Variants in FKBP15 observed in about 807,000 individuals in gnomAD.
The protein encoded by FKBP15 is FK506-binding protein 15.
FKBP15 carries 106 observed loss-of-function variants against 158.1 expected under a neutral mutation model. The observed-to-expected ratio is 0.67, with a 90% confidence interval of 0.57 to 0.79. The LOEUF is 0.79. FKBP15 is among the 30% of genes least tolerant of loss of function. The pLI is 0.00. For synonymous variants in FKBP15, 547 were observed against 548.6 expected, an observed-to-expected ratio of 1.00 and a Z score of 0.04; for missense variants, 1,287 against 1,479.1, an observed-to-expected ratio of 0.87 and a Z score of 2.13.
At chr9:113,219,453 T>C (rs1438122908) in intron 1 of FKBP15, among the ~76,000 whole-genome samples, 1 of 152,242 alleles carries the variant, frequency 6.6e-6, no homozygotes, top group Non-Finnish European at 1.5e-5. Flanking sequence ...GGTGAAACTT[T>C]CTGTATTCTC....
At chr9:113,188,995 T>A (rs575261325) in intron 12 of FKBP15, among the ~76,000 whole-genome samples, 5 of 152,370 alleles carry the variant, frequency 3.3e-5, no homozygotes, top group African/African-American at 1.2e-4. Context: ...AATATAGTTT[T>A]AGGATGTTTT....
intron 2 of FKBP15, among the ~76,000 whole-genome samples, chr9:113,210,352 G>C (rs868551700): frequency 4.6e-5 from 1 of 21,560 alleles, no homozygotes; most frequent in African/African-American, 1.9e-4. Flanking sequence ...TTTTTTTTTT[G>C]AGACGGAGTC....
At chr9:113,173,084 T>TGG (rs1189391868) in intron 23 of FKBP15, among the ~76,000 whole-genome samples, 4 of 152,184 alleles carry the variant, frequency 2.6e-5, no homozygotes, top group Non-Finnish European at 2.9e-5. Flanking sequence ...ACTTAACACC[T>TGG]ATCTTTGTTT....
chr9:113,168,695 G>T, intron 26 of FKBP15, 139 bp from the exon 27 acceptor site: 1 of 718,170 alleles, frequency 1.4e-6, no homozygotes, highest in Non-Finnish European at 2.3e-6. Flanking sequence ...CACCTCCGCT[G>T]CCACCATCTC....
intron 1 of FKBP15, among the ~76,000 whole-genome samples, chr9:113,215,644 ATTTTTT>A (rs1285341545): frequency 0.085 from 5,198 of 61,372 alleles, 113 homozygotes; most frequent in South Asian, 0.1. Context: ...ATATATATAT[ATTTTTT>A]TTTTTTTTTT....
intron 6 of FKBP15, among the ~76,000 whole-genome samples, chr9:113,202,309 C>G (rs1158722057): frequency 6.6e-6 from 1 of 152,114 alleles, no homozygotes; most frequent in Non-Finnish European, 1.5e-5. Flanking sequence ...TAGTCTTTCT[C>G]TGTTAAAAAA....
intron 26 of FKBP15, among the ~76,000 whole-genome samples, 188 bp downstream of exon 26, chr9:113,169,036 G>A (rs985288923): frequency 4.6e-5 from 7 of 151,852 alleles, no homozygotes; most frequent in Non-Finnish European, 7.4e-5. Flanking sequence ...CACAGGGCCC[G>A]CCACACTACT....
rs1409141214 is a variant in FKBP15, at chr9:113,161,285, C to T, written c.*4793G>A. 2 of 545,270 alleles carry T rather than the reference C, an allele frequency of 3.7e-6. No individual in the cohort carries two copies. Among genetic ancestry groups the T allele is most frequent in the East Asian group, 6.3e-5 (2 of 31,692 alleles). The allele number at this position is 545,270 out of a possible 1,614,324, so 33.8% of individuals were successfully genotyped here. On this transcript the variant is annotated 3_prime_UTR_variant, in exon 28 of 28. Transcript: ENST00000238256. ...GGTAATGGTACGTGGCTTCTTCACC[C>T]TCAGCCCCTGGATTTTTCAGGTGGC...
In FKBP15 at chr9:113,169,782, C is replaced by T. The variant is rs1418325852; in HGVS notation, c.2927G>A (p.Arg976Lys). 1.3e-6 allele frequency: 2 copies of T among 1,597,866 alleles called. No individual in the cohort carries two copies. Among genetic ancestry groups the T allele is most frequent in the African/African-American group, 1.3e-5 (1 of 74,792 alleles). Reference sequence around the variant, plus strand: ...TGAGGGCACCATGGGGGACTCTGGCCTCTCCCTATTCAGGGGTGCTTGAGG... The same window carrying T: ...TGAGGGCACCATGGGGGACTCTGGCTTCTCCCTATTCAGGGGTGCTTGAGG... ...GQPQAPLNRE[R>K]PESPMVPSEQ... The change falls in exon 26 of 28, where the codon AGG becomes AAG. Residue 976 changes from arginine to lysine, a missense_variant. Coordinates refer to ENST00000238256, the MANE Select transcript of FKBP15 (RefSeq NM_015258.2).
chr9:113,170,158 C>T lies in FKBP15; in HGVS notation c.2767-216G>A, dbSNP rs186504560. ...TTTTCTTTGGAGACAGGGTCTTGCT[C>T]TGTTATCCAGGCTGGAGTGCAGTTG... On this transcript the variant is annotated intron_variant, in intron 25 of 27. Transcript: ENST00000238256. 2.0e-5 allele frequency among the ~76,000 whole-genome samples: 3 copies of T among 151,928 alleles called. No homozygotes were observed. The East Asian group carries it at 5.8e-4, about 29-fold the overall frequency.
rs1455106830 is a variant in FKBP15, at chr9:113,184,043, G to A, written c.1717-198C>T. Among the ~76,000 whole-genome samples the A allele has an allele frequency of 6.6e-6, 1 of 152,224 alleles. No individual in the cohort carries two copies. The highest frequency in any genetic ancestry group is 1.5e-5 in the Non-Finnish European group (1 of 68,040). Reference sequence around the variant, plus strand: ...CAAATCACTAGGTCCAATGGATTGAGTGAATAAATGGCTAAAAAAAGAAGT... The same window carrying A: ...CAAATCACTAGGTCCAATGGATTGAATGAATAAATGGCTAAAAAAAGAAGT... On this transcript the variant is annotated intron_variant, in intron 17 of 27. Transcript: ENST00000238256. This position sits in a 1 kb window ranked among gnomAD's most constrained non-coding sequence, Gnocchi z 4.5.
At position 113,207,311 on chromosome 9, in the gene FKBP15, GA is replaced by G; in HGVS notation, c.170-16del. 1 of 1,607,196 alleles carries G rather than the reference GA, an allele frequency of 6.2e-7. No homozygotes were observed. Among genetic ancestry groups the G allele is most frequent in the Non-Finnish European group, 8.5e-7 (1 of 1,175,174 alleles). On this transcript the variant is annotated splice_polypyrimidine_tract_variant and intron_variant, in intron 2 of 27. Transcript: ENST00000238256. Reference sequence around the variant, plus strand: ...TGCCTGATTTCCTGAAGATGAACAAGAAAACAAAGTTGTCATTCACTTCTTG... The same window carrying G: ...TGCCTGATTTCCTGAAGATGAACAAGAAACAAAGTTGTCATTCACTTCTTG...
At chr9:113,169,081 T>A (rs1587947804) in intron 26 of FKBP15, 143 bp downstream of exon 26, 6 of 1,161,266 alleles carry the variant, frequency 5.2e-6, no homozygotes, top group Middle Eastern at 2.9e-4. Context: ...ACATGGTAGG[T>A]GTTGTTGAAT....
intron 15 of FKBP15, among the ~76,000 whole-genome samples, chr9:113,185,633 A>G (rs1169876135): frequency 1.3e-5 from 2 of 152,222 alleles, no homozygotes; most frequent in African/African-American, 4.8e-5. Context: ...ATTTTTTTAC[A>G]TTAGATACTC....
Position 113,169,312 on chromosome 9 carries a change from C to T in FKBP15, c.3397G>A (p.Gly1133Ser), listed in dbSNP as rs759468795. ...GTGCTTGACAGCTCCTTGTGGGGAC[C>T]GGTGGAGCTAGTGACATCATCTTTC... is the stretch of plus-strand genomic sequence containing the variant. ...LKKDDVTSSTGPHKELSSTEA... is the reference protein window; with the variant it reads ...LKKDDVTSSTSPHKELSSTEA... The change falls in exon 26 of 28, where the codon GGT (glycine) becomes AGT (serine). Residue 1133 changes from glycine (G) to serine (S), a missense_variant. By Grantham distance (56) the Gly-to-Ser change is moderately conservative (BLOSUM62 0). Coordinates refer to ENST00000238256, the MANE Select transcript of FKBP15 (RefSeq NM_015258.2). 3.0e-5 allele frequency: 48 copies of T among 1,613,904 alleles called. No homozygotes were observed. Among genetic ancestry groups the T allele is most frequent in the Admixed American group, 6.7e-5 (4 of 60,014 alleles).
intron 9 of FKBP15, among the ~76,000 whole-genome samples, chr9:113,196,493 C>T (rs1587966352): frequency 6.6e-6 from 1 of 151,704 alleles, no homozygotes; most frequent in African/African-American, 2.4e-5. Context: ...AATCAATTCT[C>T]CTGCCTCAGC....
chr9:113,188,539 T>C lies in FKBP15; in HGVS notation c.1174-48A>G, dbSNP rs1830522545. ...GGTTACTCTGTACGGGGTCCCTCAT[T>C]GAAGACTGAGGCTGACTGTCTGCCC... On this transcript the variant is annotated intron_variant, in intron 12 of 27. Coordinates refer to ENST00000238256, the MANE Select transcript of FKBP15 (RefSeq NM_015258.2). 2.7e-6 allele frequency: 4 copies of C among 1,483,552 alleles called. No individual in the cohort carries two copies. In the East Asian group the frequency reaches 9.1e-5, roughly 34 times the overall value. The allele number at this position is 1,483,552 out of a possible 1,614,324, so 91.9% of individuals were successfully genotyped here. A position where few individuals can be genotyped will look rare whatever the true frequency, so the allele number is the denominator to read the frequency against.
chr9:113,166,185 T>A (rs376962097), intron 27 of FKBP15, 30 bp from the exon 28 acceptor site: 51 of 1,587,956 alleles, frequency 3.2e-5, no homozygotes, highest in Non-Finnish European at 4.2e-5. Flanking sequence ...CAGTCAGTCC[T>A]CACTTGTGCC....
chr9:113,174,283 G>T (rs1830264450), intron 22 of FKBP15, 145 bp downstream of exon 22: 5 of 775,722 alleles, frequency 6.4e-6, no homozygotes, highest in Non-Finnish European at 1.0e-5. Context: ...GCACATATCT[G>T]GATTACTTTT....
Sources: allele counts gnomAD v4.1 joint callset (sites outside exome capture counted in the v4.1 genomes callset), GRCh38; gene constraint gnomAD v4.1.1; non-coding constraint Gnocchi (gnomAD v3.1); transcripts MANE v1.5; gene names NCBI Gene and HGNC (gene_info 2026-07-23, HGNC 2026-07-21).